GLRA3: variants seen among roughly 807,000 people sequenced by gnomAD.
The protein encoded by GLRA3 is glycine receptor subunit alpha-3.
GLRA3 carries 44 observed loss-of-function variants against 60.4 expected under a neutral mutation model. The ratio of observed to expected loss-of-function variants is 0.73; its 90% CI spans 0.57 to 0.94. GLRA3 has a LOEUF of 0.94. Among genes scored for constraint, GLRA3 ranks in the 40% least tolerant of loss-of-function variants. The pLI is 0.00. For synonymous variants in GLRA3, 223 were observed against 192.9 expected, an observed-to-expected ratio of 1.16 and a Z score of -1.29; for missense variants, 508 against 564.6, an observed-to-expected ratio of 0.90 and a Z score of 1.02.
At chr4:174,656,915 TAG>T (rs961011341) in intron 8 of GLRA3, 128 bp from the exon 9 acceptor site, 26 of 556,754 alleles carry the variant, frequency 4.7e-5, no homozygotes, top group African/African-American at 4.5e-4. Flanking sequence ...TAGCAATTAA[TAG>T]ATTTTCACAT....
Position 174,694,847 on chromosome 4 carries a change from AAG to A in GLRA3, c.575-11910_575-11909del, listed in dbSNP as rs1734988623. On this transcript the variant is annotated intron_variant, in intron 5 of 9. Coordinates refer to ENST00000274093, the MANE Select transcript of GLRA3 (RefSeq NM_006529.4). ...CACTAGCTAGACTAATAAAGCAGAA[AAG>A]AGAGAACGTCCAGATAAATATAATT... is the stretch of plus-strand genomic sequence containing the variant. Among the ~76,000 whole-genome samples the A allele has an allele frequency of 2.0e-5, 3 of 152,092 alleles. No individual in the cohort carries two copies. The South Asian group carries it at 6.2e-4, about 31-fold the overall frequency.
At chr4:174,722,380 A>ACTC (rs1289906860) in intron 4 of GLRA3, among the ~76,000 whole-genome samples, 9 of 151,976 alleles carry the variant, frequency 5.9e-5, no homozygotes, top group African/African-American at 1.9e-4. Context: ...AATAAATTAT[A>ACTC]CTCCTCTTAG....
intron 7 of GLRA3, among the ~76,000 whole-genome samples, chr4:174,661,528 G>T (rs754810049): frequency 2.0e-5 from 3 of 152,190 alleles, no homozygotes; most frequent in Non-Finnish European, 4.4e-5. Context: ...TTTGTGTGCA[G>T]ATTGTTGTTG....
intron 1 of GLRA3, among the ~76,000 whole-genome samples, chr4:174,803,307 C>T (rs1323050990): frequency 1.3e-5 from 2 of 151,998 alleles, no homozygotes; most frequent in East Asian, 3.9e-4. Context: ...GCTAAAAGAC[C>T]ATAATGCAGC....
chr4:174,812,110 G>A (rs1201466937), intron 1 of GLRA3, among the ~76,000 whole-genome samples: 1 of 151,982 alleles, frequency 6.6e-6, no homozygotes, highest in East Asian at 1.9e-4. Flanking sequence ...TCAGAAATAA[G>A]CAATACTGAC....
rs368477071 is a variant in GLRA3 at position 174,639,443 on chromosome 4, T to C, written c.*4343A>G. ...GAGAGAGAGAGGGAAAGGGAAGAGA[T>C]GAAGGCATTATTAAGATGTAAAATG... On this transcript the variant is annotated 3_prime_UTR_variant, in exon 10 of 10. Coordinates refer to ENST00000274093, the MANE Select transcript of GLRA3 (RefSeq NM_006529.4). The C allele has an allele frequency of 1.3e-5, 2 of 150,886 alleles. No homozygotes were observed. Among genetic ancestry groups the C allele is most frequent in the Non-Finnish European group, 3.0e-5 (2 of 67,726 alleles). The allele number at this position is 150,886 out of a possible 1,614,324, so 9.3% of individuals were successfully genotyped here.
intron 3 of GLRA3, among the ~76,000 whole-genome samples, chr4:174,729,748 C>A (rs777468198): frequency 8.5e-5 from 13 of 152,102 alleles, no homozygotes; most frequent in Non-Finnish European, 5.9e-5. Context: ...ATGATTAAAG[C>A]AAACATTATA....
At chr4:174,774,965 C>T (rs1738540278) in intron 2 of GLRA3, among the ~76,000 whole-genome samples, 1 of 152,104 alleles carries the variant, frequency 6.6e-6, no homozygotes, top group Admixed American at 6.6e-5. Flanking sequence ...AGCTTTTGCA[C>T]TTGTAACACT....
chr4:174,770,161 G>T (rs909476105), intron 2 of GLRA3, among the ~76,000 whole-genome samples: 2 of 152,064 alleles, frequency 1.3e-5, no homozygotes, highest in Non-Finnish European at 2.9e-5. Context: ...AATTAAGGTA[G>T]AGGAAAAATC....
intron 3 of GLRA3, among the ~76,000 whole-genome samples, chr4:174,729,991 T>C (rs1736491352): frequency 6.6e-6 from 1 of 152,198 alleles, no homozygotes; most frequent in African/African-American, 2.4e-5. Context: ...TACATCCTCT[T>C]GATCAATATT....
At chr4:174,813,216 T>C (rs1740339910) in intron 1 of GLRA3, among the ~76,000 whole-genome samples, 1 of 152,204 alleles carries the variant, frequency 6.6e-6, no homozygotes. Context: ...ATTAAATGAG[T>C]CATATTTTAC....
intron 1 of GLRA3, among the ~76,000 whole-genome samples, chr4:174,794,569 A>G (rs1209365932): frequency 6.6e-6 from 1 of 152,192 alleles, no homozygotes; most frequent in African/African-American, 2.4e-5. Context: ...CCTATTAACA[A>G]GCACTCTCAG....
intron 2 of GLRA3, among the ~76,000 whole-genome samples, chr4:174,782,663 A>T (rs553074472): frequency 7.9e-4 from 121 of 152,340 alleles, no homozygotes; most frequent in African/African-American, 2.9e-3. Flanking sequence ...AAGCATTCTT[A>T]TACACCAACA....
chr4:174,668,046 G>T (rs188437205), intron 7 of GLRA3, among the ~76,000 whole-genome samples: 1 of 152,054 alleles, frequency 6.6e-6, no homozygotes. Flanking sequence ...CGTGAGATCT[G>T]GTTGTTTAAA....
chr4:174,807,301 C>G (rs997727463), intron 1 of GLRA3, among the ~76,000 whole-genome samples: 1 of 151,990 alleles, frequency 6.6e-6, no homozygotes, highest in Non-Finnish European at 1.5e-5. Flanking sequence ...AAAAATAGTT[C>G]AAGAGTAAGC....
intron 5 of GLRA3, among the ~76,000 whole-genome samples, chr4:174,699,582 A>ATATT (rs1735214440): frequency 6.6e-6 from 1 of 152,140 alleles, no homozygotes; most frequent in African/African-American, 2.4e-5. Flanking sequence ...TATGAGGACT[A>ATATT]CTGTAATAAT....
At chr4:174,797,690 C>T (rs536043275) in intron 1 of GLRA3, among the ~76,000 whole-genome samples, 2 of 151,908 alleles carry the variant, frequency 1.3e-5, no homozygotes, top group East Asian at 3.9e-4. Flanking sequence ...ATCCCAGCAC[C>T]GGGCGGCCAA....
rs530846655 is a variant in GLRA3 at position 174,759,966 on chromosome 4, A to G, written c.267+6997T>C. Among the ~76,000 whole-genome samples the G allele has an allele frequency of 9.8e-5, 15 of 152,314 alleles. No homozygotes were observed. In the South Asian group the frequency reaches 2.9e-3, roughly 29 times the overall value. ...GGGTGAGAGAAGAATTTCTTATGGC[A>G]AAGAAGCATAGAGTATTAAGCAAAC... On this transcript the variant is annotated intron_variant, in intron 3 of 9. Transcript: ENST00000274093.
chr4:174,747,038 G>C (rs1737281828), intron 3 of GLRA3, among the ~76,000 whole-genome samples: 1 of 152,134 alleles, frequency 6.6e-6, no homozygotes, highest in South Asian at 2.1e-4. Context: ...CTCAGAATTT[G>C]TTTGTTTACA....
Sources: gnomAD v4.1 joint callset for allele counts (sites outside exome capture counted in the v4.1 genomes callset) on GRCh38, gnomAD v4.1.1 for gene constraint, MANE v1.5 for transcripts, NCBI Gene and HGNC (gene_info 2026-07-23, HGNC 2026-07-21) for gene names.